Variants in RBFOX3 observed in about 807,000 individuals in gnomAD.
RBFOX3 encodes the protein RNA binding protein fox-1 homolog 3.
A neutral mutation model predicts 48.7 loss-of-function variants in RBFOX3; 17 were observed. That is an observed-to-expected ratio of 0.35 (90% CI 0.24 to 0.52). The LOEUF (loss-of-function observed/expected upper bound fraction) is 0.52, where lower values mean the gene tolerates loss of function less well. Ranked by LOEUF, RBFOX3 falls within the 20% of genes least tolerant of loss-of-function variation. The pLI, the probability that RBFOX3 is intolerant of heterozygous loss-of-function variation, is 0.94. For missense variants in RBFOX3, 382 were observed against 497.5 expected, an observed-to-expected ratio of 0.77 and a Z score of 2.21; for synonymous variants, 212 against 209.5, an observed-to-expected ratio of 1.01 and a Z score of -0.10.
chr17:79,656,915 A>AGGAC, the RBFOX3 span, among the ~76,000 whole-genome samples: 1 of 151,610 alleles, frequency 6.6e-6, no homozygotes, highest in Non-Finnish European at 1.5e-5. Flanking sequence ...GAAGGAAGGA[A>AGGAC]GGAAAAGAAA....
intron 3 of RBFOX3, among the ~76,000 whole-genome samples, chr17:79,253,633 G>A (rs935674416): frequency 6.6e-6 from 1 of 152,226 alleles, no homozygotes; most frequent in Non-Finnish European, 1.5e-5. Flanking sequence ...GCTGCTGGTT[G>A]GAGAGGGTGC....
chr17:79,351,936 G>A (rs1489146679), intron 2 of RBFOX3, among the ~76,000 whole-genome samples: 4 of 152,076 alleles, frequency 2.6e-5, no homozygotes, highest in Non-Finnish European at 5.9e-5. Context: ...GTCGTTCAGG[G>A]CCTACAGGTC....
intron 2 of RBFOX3, among the ~76,000 whole-genome samples, chr17:79,349,756 G>C (rs181645982): frequency 7.9e-5 from 12 of 152,160 alleles, no homozygotes. Context: ...ATGTAGCTTG[G>C]TGCACCGAGA....
chr17:79,362,718 A>G lies in RBFOX3; in HGVS notation c.-174-54894T>C, dbSNP rs996084843. 1.3e-5 allele frequency among the ~76,000 whole-genome samples: 2 copies of G among 152,190 alleles called. No individual in the cohort carries two copies. Among genetic ancestry groups the G allele is most frequent in the Non-Finnish European group, 2.9e-5 (2 of 68,020 alleles). On this transcript the variant is annotated intron_variant, in intron 2 of 14. Transcript: ENST00000693108. The surrounding 1 kb of genome is among the most constrained non-coding windows in gnomAD (Gnocchi z 4.2). ...CATCTCCACTGGCTCTGAGCTGCAC[A>G]GGCTCATTAGAGACCATGGGATGGG...
At chr17:79,284,298 G>C (rs2071329675) in intron 3 of RBFOX3, among the ~76,000 whole-genome samples, 1 of 152,002 alleles carries the variant, frequency 6.6e-6, no homozygotes, top group African/African-American at 2.4e-5. Context: ...GAACCACTTG[G>C]GGTTCAGAAA....
chr17:79,631,732 G>A, the RBFOX3 span, among the ~76,000 whole-genome samples: 54 of 152,290 alleles, frequency 3.5e-4, no homozygotes, highest in African/African-American at 1.3e-3. Context: ...CCTAGAGCGG[G>A]GGCCAGAAGA....
intron 4 of RBFOX3, among the ~76,000 whole-genome samples, chr17:79,206,335 CA>C (rs1343222025): frequency 6.6e-6 from 1 of 152,148 alleles, no homozygotes; most frequent in Non-Finnish European, 1.5e-5. Flanking sequence ...GGTCCCAGAG[CA>C]AACGAGGGCT....
At chr17:79,526,747 A>G (rs1409784707) in intron 1 of RBFOX3, among the ~76,000 whole-genome samples, 1 of 152,228 alleles carries the variant, frequency 6.6e-6, no homozygotes, top group Non-Finnish European at 1.5e-5. Flanking sequence ...CATGGCTCAG[A>G]TGAACCAGGC....
At chr17:79,143,408 G>C (rs1392091036) in intron 4 of RBFOX3, among the ~76,000 whole-genome samples, 1 of 149,698 alleles carries the variant, frequency 6.7e-6, no homozygotes, top group Admixed American at 6.7e-5. Context: ...ATCCATCTCA[G>C]GCATTTCTCC....
chr17:79,400,833 C>T (rs1036390185), intron 2 of RBFOX3, among the ~76,000 whole-genome samples: 2 of 152,136 alleles, frequency 1.3e-5, no homozygotes, highest in African/African-American at 2.4e-5. Flanking sequence ...AGGCCACCTC[C>T]GAAGCCAAAA....
chr17:79,349,939 C>G (rs1037148485), intron 2 of RBFOX3, among the ~76,000 whole-genome samples: 1 of 152,198 alleles, frequency 6.6e-6, no homozygotes, highest in African/African-American at 2.4e-5. Context: ...CCCACACCCA[C>G]AGTTGGGTGC....
chr17:79,591,434 G>A (rs1000154150), intron 1 of RBFOX3, among the ~76,000 whole-genome samples: 10 of 152,160 alleles, frequency 6.6e-5, no homozygotes, highest in Non-Finnish European at 1.3e-4. Context: ...GCCAGGCTGC[G>A]CCCATCCGAT....
chr17:79,169,439 C>T (rs569684622), intron 4 of RBFOX3, among the ~76,000 whole-genome samples: 5 of 152,248 alleles, frequency 3.3e-5, no homozygotes, highest in South Asian at 4.1e-4. Flanking sequence ...TCAAACTGCT[C>T]CCACAAGACC....
chr17:79,179,677 C>G (rs943522658), intron 4 of RBFOX3, among the ~76,000 whole-genome samples: 8 of 152,224 alleles, frequency 5.3e-5, no homozygotes, highest in Non-Finnish European at 2.9e-5. Context: ...TGACAAAATC[C>G]CATTTTTCGA....
chr17:79,489,877 CTGTA>C (rs2080244202), intron 1 of RBFOX3, among the ~76,000 whole-genome samples: 1 of 152,214 alleles, frequency 6.6e-6, no homozygotes, highest in Admixed American at 6.5e-5. Context: ...TCCTCAGCCT[CTGTA>C]CCCCGCAAAA....
intron 4 of RBFOX3, among the ~76,000 whole-genome samples, chr17:79,165,374 GCTC>G (rs1312299196): frequency 1.3e-5 from 2 of 152,168 alleles, no homozygotes; most frequent in African/African-American, 2.4e-5. Context: ...TGAAGTGCCG[GCTC>G]CTCATTTCCT....
intron 4 of RBFOX3, among the ~76,000 whole-genome samples, chr17:79,224,131 C>T (rs2060047394): frequency 6.6e-6 from 1 of 152,146 alleles, no homozygotes; most frequent in Non-Finnish European, 1.5e-5. Flanking sequence ...CATTAACTGC[C>T]ACCAAGAGCC....
intron 1 of RBFOX3, among the ~76,000 whole-genome samples, chr17:79,514,196 C>A (rs1387045983): frequency 6.6e-6 from 1 of 152,206 alleles, no homozygotes; most frequent in African/African-American, 2.4e-5. Context: ...GCGGCCAACA[C>A]TCCTGGGATT....
chr17:79,250,453 T>C (rs915861140), intron 3 of RBFOX3, among the ~76,000 whole-genome samples: 2 of 145,346 alleles, frequency 1.4e-5, no homozygotes, highest in Admixed American at 6.6e-5. Flanking sequence ...CTTTAAAGAA[T>C]AATAAAAATA....
Sources: gnomAD v4.1 joint callset for allele counts (sites outside exome capture counted in the v4.1 genomes callset) on GRCh38, gnomAD v4.1.1 for gene constraint, Gnocchi (gnomAD v3.1) non-coding constraint, MANE v1.5 for transcripts, NCBI Gene and HGNC (gene_info 2026-07-23, HGNC 2026-07-21) for gene names.